The following AHI1 variants were observed in gnomAD, a reference collection of about 807,000 sequenced individuals.
AHI1 encodes jouberin.
In AHI1, 123 loss-of-function variants were observed where a neutral mutation model predicts 149.3. The observed-to-expected ratio is 0.82, with a 90% CI of 0.71 to 0.96. AHI1 has a LOEUF of 0.96. Ranked by LOEUF, AHI1 falls within the 40% of genes least tolerant of loss-of-function variation. AHI1 has a pLI of 0.00. For missense variants in AHI1, 1,439 were observed against 1,422.7 expected (o/e 1.01, Z -0.18); for synonymous variants, 475 against 459.8 (o/e 1.03, Z -0.42).
At chr6:135,317,228 T>C (rs1054462314) in intron 26 of AHI1, among the ~76,000 whole-genome samples, 2 of 152,024 alleles carry the variant, frequency 1.3e-5, no homozygotes, top group African/African-American at 4.8e-5. Context: ...AATCTGTTCA[T>C]GTCATTCCCT....
intron 25 of AHI1, among the ~76,000 whole-genome samples, chr6:135,320,756 T>C (rs902121946): frequency 3.3e-5 from 5 of 152,188 alleles, no homozygotes; most frequent in Admixed American, 1.3e-4. Flanking sequence ...CATTTGTACA[T>C]GAAAAGAGTA....
intron 20 of AHI1, among the ~76,000 whole-genome samples, chr6:135,422,124 C>T (rs1362014016): frequency 6.6e-6 from 1 of 152,032 alleles, no homozygotes. Flanking sequence ...TATAGAAAAC[C>T]ACTACATCGT....
At chr6:135,328,833 G>T (rs1326807459) in intron 24 of AHI1, among the ~76,000 whole-genome samples, 1 of 152,124 alleles carries the variant, frequency 6.6e-6, no homozygotes, top group Admixed American at 6.5e-5. Context: ...AAAAGTTCTT[G>T]AAGGAAATTA....
chr6:135,402,246 T>C (rs113852958), intron 22 of AHI1, among the ~76,000 whole-genome samples: 1 of 152,176 alleles, frequency 6.6e-6, no homozygotes, highest in Admixed American at 6.5e-5. Flanking sequence ...TCACATGCTC[T>C]GGAAAAAGTT....
intron 15 of AHI1, 87 bp downstream of exon 15, chr6:135,438,288 C>T (rs1036043961): frequency 8.1e-7 from 1 of 1,239,686 alleles, no homozygotes; most frequent in Non-Finnish European, 1.1e-6. Flanking sequence ...ACGACTGGAG[C>T]ATAAGAGTAG....
chr6:135,467,709 CAA>C (rs752141235), intron 5 of AHI1, 75 bp from the exon 6 acceptor site: 1 of 1,050,914 alleles, frequency 9.5e-7, no homozygotes, highest in Non-Finnish European at 1.4e-6. Flanking sequence ...AATTAATGTT[CAA>C]CTATGTGGAA....
intron 28 of AHI1, among the ~76,000 whole-genome samples, chr6:135,286,761 C>T (rs1781736108): frequency 6.6e-6 from 1 of 152,104 alleles, no homozygotes; most frequent in African/African-American, 2.4e-5. Flanking sequence ...AGAGCTACTC[C>T]AGGTAAGCTT....
intron 21 of AHI1, among the ~76,000 whole-genome samples, chr6:135,407,854 TACAAAAAGCCTACTAAA>T (rs1416714455): frequency 6.7e-6 from 1 of 148,736 alleles, no homozygotes; most frequent in Non-Finnish European, 1.5e-5. Context: ...CTACTAAAAA[TACAAAAAGCCTACTAAA>T]AATACAAAAA....
Position 135,433,067 on chromosome 6 carries a change from A to C in AHI1, c.2226T>G (p.Val742=), listed in dbSNP as rs780449474. ...AAAGTGAGTTGATAAAACTTTTGTG[A>C]ACATCAAACTGTCGGACCAATATGG... ...DSAILVRQFD[V]HKSFINSLCF... The change falls in exon 16 of 29, where the codon GTT becomes GTG. Residue 742 remains valine, a synonymous_variant. Coordinates refer to ENST00000265602, the MANE Select transcript of AHI1 (RefSeq NM_001134831.2). The C allele has an allele frequency of 2.5e-6, 4 of 1,613,648 alleles. No individual in the cohort carries two copies. In the East Asian group the frequency reaches 6.7e-5, roughly 27 times the overall value.
chr6:135,457,818 A>G, intron 8 of AHI1, 105 bp from the exon 9 acceptor site: 1 of 1,063,056 alleles, frequency 9.4e-7, no homozygotes, highest in Non-Finnish European at 1.4e-6. Flanking sequence ...CTGTGTTCAA[A>G]GGAACTTCAG....
At chr6:135,323,031 T>A in intron 25 of AHI1, 131 bp downstream of exon 25, 1 of 967,590 alleles carries the variant, frequency 1.0e-6, no homozygotes, top group Non-Finnish European at 1.4e-6. Flanking sequence ...ATCATGAGAA[T>A]GAAAAACAAT....
Position 135,374,151 on chromosome 6 carries a change from T to C in AHI1, c.3110-15964A>G, listed in dbSNP as rs564107174. Among the ~76,000 whole-genome samples the C allele has an allele frequency of 6.6e-5, 9 of 137,026 alleles. No individual in the cohort carries two copies. The South Asian group carries it at 1.4e-3, about 22-fold the overall frequency. 89.9% of individuals were successfully genotyped at this position (137,026 alleles called of 152,430 possible). On this transcript the variant is annotated intron_variant, in intron 23 of 28. Transcript: ENST00000265602. ...TTTTTTGAGATGGAGTCTTGCTCTG[T>C]TGCCTAGGCTGGAGTGCAGTGGCGC...
At chr6:135,353,893 G>A (rs1792548345) in intron 24 of AHI1, among the ~76,000 whole-genome samples, 1 of 152,076 alleles carries the variant, frequency 6.6e-6, no homozygotes, top group Non-Finnish European at 1.5e-5. Flanking sequence ...AAAGGTAACT[G>A]CAGAAGGAAT....
Position 135,490,709 on chromosome 6 carries a change from C to G in AHI1, c.49G>C (p.Glu17Gln), listed in dbSNP as rs769488791. The G allele has an allele frequency of 6.2e-7, 1 of 1,613,044 alleles. No individual in the cohort carries two copies. The highest frequency in any genetic ancestry group is 8.5e-7 in the Non-Finnish European group (1 of 1,179,524). The change falls in exon 5 of 29, where the codon GAA becomes CAA. Residue 17 changes from glutamate to glutamine, a missense_variant. Coordinates refer to ENST00000265602, the MANE Select transcript of AHI1 (RefSeq NM_001134831.2). Reference protein sequence around the residue: ...EAKVKTKVRFEELLKTHSDLM... With the variant: ...EAKVKTKVRFQELLKTHSDLM... ...TCACTGTGGGTCTTAAGCAATTCTTCAAAGCGAACTTTGGTTTTTACTTTT... is the reference window on the plus strand; with the variant it reads ...TCACTGTGGGTCTTAAGCAATTCTTGAAAGCGAACTTTGGTTTTTACTTTT...
At chr6:135,359,645 AAT>A (rs1793538415) in intron 23 of AHI1, among the ~76,000 whole-genome samples, 1 of 152,188 alleles carries the variant, frequency 6.6e-6, no homozygotes, top group South Asian at 2.1e-4. Flanking sequence ...AAACACTGAG[AAT>A]AGTGTGGCAT....
chr6:135,423,087 C>T (rs775000517), intron 20 of AHI1, among the ~76,000 whole-genome samples: 4 of 152,076 alleles, frequency 2.6e-5, no homozygotes, highest in Non-Finnish European at 4.4e-5. Context: ...GCCTCCGTTT[C>T]ATCATCTGCA....
intron 23 of AHI1, chr6:135,387,876 G>A (rs1034874754): frequency 1.3e-6 from 2 of 1,538,668 alleles, no homozygotes; most frequent in Non-Finnish European, 1.8e-6. Flanking sequence ...AGTAGGAAAT[G>A]TGGAGACATT....
chr6:135,370,134 T>G (rs973224474), intron 23 of AHI1, among the ~76,000 whole-genome samples: 3 of 152,210 alleles, frequency 2.0e-5, no homozygotes, highest in Non-Finnish European at 4.4e-5. Context: ...TAGACTGAAA[T>G]AGCAAACGTC....
At chr6:135,446,106 ATCTATGT>A (rs1307898126) in intron 13 of AHI1, among the ~76,000 whole-genome samples, 1 of 151,960 alleles carries the variant, frequency 6.6e-6, no homozygotes, top group African/African-American at 2.4e-5. Context: ...CAGGCTAAAA[ATCTATGT>A]TATCTGACTG....
Sources: gnomAD v4.1 joint callset for allele counts (sites outside exome capture counted in the v4.1 genomes callset) on GRCh38, gnomAD v4.1.1 for gene constraint, MANE v1.5 for transcripts, NCBI Gene and HGNC (gene_info 2026-07-23, HGNC 2026-07-21) for gene names.